The following CDH13 variants were observed in gnomAD, a reference collection of about 807,000 sequenced individuals.
The protein encoded by CDH13 is cadherin-13.
CDH13 carries 24 observed loss-of-function variants against 63.8 expected under a neutral mutation model. The observed-to-expected ratio is 0.38, with a 90% CI of 0.27 to 0.53. CDH13 has a LOEUF of 0.53. Ranked by LOEUF, CDH13 falls within the 20% of genes least tolerant of loss-of-function variation. The pLI, the probability that CDH13 is intolerant of heterozygous loss-of-function variation, is 0.85. For synonymous variants in CDH13, 503 were observed against 355.3 expected (o/e 1.42, Z -4.67); for missense variants, 1,049 against 903.1 (o/e 1.16, Z -2.07).
intron 4 of CDH13, among the ~76,000 whole-genome samples, chr16:83,158,771 T>C (rs952363909): frequency 6.6e-6 from 1 of 152,214 alleles, no homozygotes; most frequent in Non-Finnish European, 1.5e-5. Context: ...GCAGTGTGCC[T>C]GGCTTCTGGC....
intron 7 of CDH13, among the ~76,000 whole-genome samples, chr16:83,576,628 A>G (rs1433232628): frequency 6.6e-6 from 1 of 152,246 alleles, no homozygotes; most frequent in African/African-American, 2.4e-5. Flanking sequence ...CCAACAGTAC[A>G]CAAGAATTCC....
chr16:82,652,232 T>A (rs527506036), intron 1 of CDH13, among the ~76,000 whole-genome samples: 6 of 152,320 alleles, frequency 3.9e-5, no homozygotes, highest in Admixed American at 6.5e-5. Context: ...TGGTTTGTCA[T>A]CCTAGCCTGT....
intron 4 of CDH13, among the ~76,000 whole-genome samples, chr16:83,195,766 A>G (rs1375751014): frequency 6.6e-6 from 1 of 152,150 alleles, no homozygotes; most frequent in Admixed American, 6.5e-5. Flanking sequence ...AGCAGGGGAG[A>G]GATACATGGA....
intron 3 of CDH13, among the ~76,000 whole-genome samples, chr16:83,035,698 G>A (rs1916784975): frequency 6.6e-6 from 1 of 152,198 alleles, no homozygotes; most frequent in Non-Finnish European, 1.5e-5. Context: ...GTCTACGAGG[G>A]AAATGTTGGC....
intron 6 of CDH13, among the ~76,000 whole-genome samples, chr16:83,470,564 T>C (rs2073427939): frequency 6.6e-6 from 1 of 152,232 alleles, no homozygotes; most frequent in Admixed American, 6.5e-5. Context: ...GGATGATTCA[T>C]TGCCTCAAAG....
chr16:83,292,919 T>C (rs940879040), intron 5 of CDH13, among the ~76,000 whole-genome samples: 6 of 152,170 alleles, frequency 3.9e-5, no homozygotes, highest in African/African-American at 9.7e-5. Context: ...TTTTACAATA[T>C]CTATTGGGTA....
chr16:82,845,994 T>C (rs1045670808), intron 1 of CDH13, among the ~76,000 whole-genome samples: 2 of 152,194 alleles, frequency 1.3e-5, no homozygotes, highest in Non-Finnish European at 2.9e-5. Flanking sequence ...TTTCACTGAG[T>C]GAATTGTTCT....
At chr16:82,860,161 A>G (rs2039878861) in intron 2 of CDH13, among the ~76,000 whole-genome samples, 1 of 152,018 alleles carries the variant, frequency 6.6e-6, no homozygotes. Context: ...CCCAAATGGC[A>G]TCTATGTTAA....
At chr16:82,684,516 T>C (rs111643186) in intron 1 of CDH13, among the ~76,000 whole-genome samples, 4,986 of 152,178 alleles carry the variant, frequency 0.033, 129 homozygotes, top group Middle Eastern at 0.058. Flanking sequence ...AGAGAAGTTA[T>C]GTCATGCATA....
chr16:83,654,698 T>G (rs1471883231), intron 8 of CDH13: 1 of 152,128 alleles, frequency 6.6e-6, no homozygotes, highest in Non-Finnish European at 1.5e-5. Context: ...TGTACTTTCG[T>G]CTCCAGGCAA....
At chr16:82,961,881 A>C (rs1167007526) in intron 2 of CDH13, among the ~76,000 whole-genome samples, 1 of 152,172 alleles carries the variant, frequency 6.6e-6, no homozygotes, top group African/African-American at 2.4e-5. Flanking sequence ...GATGCTTTTT[A>C]ACCTCCTACA....
At chr16:82,791,816 A>G in intron 1 of CDH13, among the ~76,000 whole-genome samples, 1 of 152,188 alleles carries the variant, frequency 6.6e-6, no homozygotes, top group South Asian at 2.1e-4. Context: ...TCTGTGACCC[A>G]CGGCTTCTAA....
At chr16:82,922,465 G>T (rs917560679) in intron 2 of CDH13, among the ~76,000 whole-genome samples, 1 of 152,136 alleles carries the variant, frequency 6.6e-6, no homozygotes, top group Non-Finnish European at 1.5e-5. Flanking sequence ...CATGAGTGTT[G>T]TTGCCCCCAT....
Position 83,795,234 on chromosome 16 carries a change from G to T in CDH13, c.*204G>T. On this transcript the variant is annotated 3_prime_UTR_variant, in exon 14 of 14. Coordinates refer to ENST00000567109, the MANE Select transcript of CDH13 (RefSeq NM_001257.5). ...CATCTTCCTCCCTCCTTTAATTAAT[G>T]GAATCTTCTGAATTTTCCCTGAATG... 1 of 524,902 alleles carries T rather than the reference G, an allele frequency of 1.9e-6. No individual in the cohort carries two copies. The highest frequency in any genetic ancestry group is 3.4e-6 in the Non-Finnish European group (1 of 295,080). 32.5% of individuals were successfully genotyped at this position (524,902 alleles called of 1,614,324 possible). A position where few individuals can be genotyped will look rare whatever the true frequency, so the allele number is the denominator to read the frequency against.
Position 82,982,563 on chromosome 16 carries a change from T to C in CDH13, c.158-49447T>C, listed in dbSNP as rs1910415313. Reference sequence around the variant, plus strand: ...TTTGCATGGCTTCAACTATCAGTTCTATGTGGAAGATTTTTTCTGATTTTC... The same window carrying C: ...TTTGCATGGCTTCAACTATCAGTTCCATGTGGAAGATTTTTTCTGATTTTC... On this transcript the variant is annotated intron_variant, in intron 2 of 13. Transcript: ENST00000567109. 3.3e-5 allele frequency among the ~76,000 whole-genome samples: 5 copies of C among 152,224 alleles called. 1 individual carries two copies.
chr16:83,074,900 C>A (rs1171907299), intron 3 of CDH13, among the ~76,000 whole-genome samples: 2 of 152,210 alleles, frequency 1.3e-5, no homozygotes, highest in Non-Finnish European at 2.9e-5. Context: ...AAAAAAGAGA[C>A]CCTGTTGGTG....
At chr16:82,634,559 G>C (rs1908420311) in intron 1 of CDH13, among the ~76,000 whole-genome samples, 1 of 152,166 alleles carries the variant, frequency 6.6e-6, no homozygotes, top group Non-Finnish European at 1.5e-5. Context: ...CTGCAGTCTG[G>C]TTTTATAAAT....
At chr16:83,144,903 G>C (rs1372863404) in intron 4 of CDH13, among the ~76,000 whole-genome samples, 4 of 152,198 alleles carry the variant, frequency 2.6e-5, no homozygotes. Flanking sequence ...CTGGGCTGCA[G>C]AGGGTAGGTT....
At chr16:83,063,782 G>C (rs1243923192) in intron 3 of CDH13, among the ~76,000 whole-genome samples, 1 of 152,134 alleles carries the variant, frequency 6.6e-6, no homozygotes, top group Non-Finnish European at 1.5e-5. Flanking sequence ...CAGCAGAACT[G>C]GTTCCTTCTG....
Sources: allele counts gnomAD v4.1 joint callset (sites outside exome capture counted in the v4.1 genomes callset), GRCh38; gene constraint gnomAD v4.1.1; transcripts MANE v1.5; gene names NCBI Gene and HGNC (gene_info 2026-07-23, HGNC 2026-07-21).